Variants in PCDHA3 observed in about 807,000 individuals in gnomAD.
The protein encoded by PCDHA3 is protocadherin alpha-3.
A neutral mutation model predicts 62.2 loss-of-function variants in PCDHA3; 41 were observed. The observed-to-expected ratio is 0.66, with a 90% CI of 0.51 to 0.86. The LOEUF (loss-of-function observed/expected upper bound fraction) is 0.86, where lower values mean the gene tolerates loss of function less well. Among genes scored for constraint, PCDHA3 ranks in the 40% least tolerant of loss-of-function variants. PCDHA3 has a pLI of 0.00. For missense variants in PCDHA3, 1,304 were observed against 1,241.2 expected (o/e 1.05, Z -0.76); for synonymous variants, 640 against 555.4 (o/e 1.15, Z -2.14).
chr5:140,967,066 C>T (rs782715200), intron 1 of PCDHA3: 4 of 1,612,790 alleles, frequency 2.5e-6, no homozygotes, highest in African/African-American at 1.3e-5. Flanking sequence ...GAGCGCTCTT[C>T]GTCAACGAGC....
intron 1 of PCDHA3, among the ~76,000 whole-genome samples, chr5:140,873,080 C>G (rs1582109442): frequency 2.6e-5 from 4 of 151,946 alleles, no homozygotes; most frequent in Admixed American, 2.6e-4. Context: ...CTAGCTATTT[C>G]CCCCCCGTAT....
chr5:140,853,975 C>A, intron 1 of PCDHA3: 1 of 594,170 alleles, frequency 1.7e-6, no homozygotes, highest in Non-Finnish European at 2.2e-6. Flanking sequence ...CAGTTTGAGA[C>A]CAATGTAGTG....
chr5:140,962,516 A>C (rs1554226093), intron 1 of PCDHA3, among the ~76,000 whole-genome samples: 1 of 152,208 alleles, frequency 6.6e-6, no homozygotes, highest in Non-Finnish European at 1.5e-5. Flanking sequence ...ACTATCAATA[A>C]TATATTAGTT....
At chr5:140,909,983 C>T (rs2074810620) in intron 1 of PCDHA3, among the ~76,000 whole-genome samples, 1 of 152,214 alleles carries the variant, frequency 6.6e-6, no homozygotes, top group Non-Finnish European at 1.5e-5. Context: ...GGGAGAAAGA[C>T]TAACAGCATA....
At chr5:140,874,372 A>C (rs1055265865) in intron 1 of PCDHA3, among the ~76,000 whole-genome samples, 1 of 152,362 alleles carries the variant, frequency 6.6e-6, no homozygotes, top group South Asian at 2.1e-4. Context: ...TAAACTCATG[A>C]AAGGTCTTTT....
chr5:140,850,940 A>G (rs2150503150), intron 1 of PCDHA3: 2 of 1,507,156 alleles, frequency 1.3e-6, no homozygotes, highest in East Asian at 2.3e-5. Context: ...TTCTTGAAAG[A>G]TATTATCGAT....
chr5:140,894,293 T>A (rs782004160), intron 1 of PCDHA3, among the ~76,000 whole-genome samples: 1 of 152,100 alleles, frequency 6.6e-6, no homozygotes, highest in Non-Finnish European at 1.5e-5. Context: ...TGAAGTTTAT[T>A]TTCCTGGAAA....
intron 2 of PCDHA3, among the ~76,000 whole-genome samples, chr5:140,981,854 C>T (rs2096954295): frequency 6.6e-6 from 1 of 152,132 alleles, no homozygotes; most frequent in South Asian, 2.1e-4. Flanking sequence ...GTATCTCACT[C>T]CCAGCAATGT....
intron 1 of PCDHA3, among the ~76,000 whole-genome samples, chr5:140,970,348 T>A (rs2096398928): frequency 6.6e-6 from 1 of 152,186 alleles, no homozygotes; most frequent in Admixed American, 6.5e-5. Context: ...ATTTTCTGGA[T>A]CTAAAATTTG....
chr5:140,903,180 T>C (rs149488870), intron 1 of PCDHA3, among the ~76,000 whole-genome samples: 1,613 of 152,324 alleles, frequency 0.011, 17 homozygotes, highest in African/African-American at 0.028. Context: ...TTCCCACCAA[T>C]AGTATAAAAG....
At chr5:140,818,759 G>A (rs2150102311) in intron 1 of PCDHA3, among the ~76,000 whole-genome samples, 65 of 152,296 alleles carry the variant, frequency 4.3e-4, no homozygotes, top group Non-Finnish European at 5.6e-4. Context: ...GATGGCTTGA[G>A]CCTGAGGCTG....
intron 1 of PCDHA3, chr5:140,809,483 A>G: frequency 6.2e-7 from 1 of 1,614,234 alleles, no homozygotes; most frequent in Non-Finnish European, 8.5e-7. Flanking sequence ...GGGCCCACCC[A>G]AGACCGACCT....
At chr5:140,880,694 A>C (rs1254061280) in intron 1 of PCDHA3, among the ~76,000 whole-genome samples, 1 of 152,228 alleles carries the variant, frequency 6.6e-6, no homozygotes, top group Non-Finnish European at 1.5e-5. Context: ...AGTCATGGTT[A>C]AGTGACAATG....
At chr5:140,856,081 G>T in intron 1 of PCDHA3, 1 of 1,595,042 alleles carries the variant, frequency 6.3e-7, no homozygotes, top group Non-Finnish European at 8.6e-7. Context: ...TGGGGGTCCA[G>T]TGTCTGCTGC....
Position 140,801,305 on chromosome 5 carries a change from T to C in PCDHA3, c.108T>C (p.Ser36=). Residue 36 remains serine (S), a synonymous_variant, in exon 1 of 4, where the codon TCT becomes TCC. Transcript: ENST00000522353. The part of the protein sequence containing the change: ...VGSGQLHYSV[S]EEAKHGTFVG... Reference sequence around the variant, plus strand: ...GCGGCCAGCTCCACTACTCCGTCTCTGAGGAGGCCAAGCATGGCACCTTCG... The same window carrying C: ...GCGGCCAGCTCCACTACTCCGTCTCCGAGGAGGCCAAGCATGGCACCTTCG... 6.2e-7 allele frequency: 1 copy of C among 1,613,446 alleles called. No homozygotes were observed. Among genetic ancestry groups the C allele is most frequent in the South Asian group, 1.1e-5 (1 of 91,054 alleles).
At chr5:140,823,925 A>G (rs2150130360) in intron 1 of PCDHA3, 3 of 1,613,820 alleles carry the variant, frequency 1.9e-6, no homozygotes, top group East Asian at 4.5e-5. Context: ...CTGCTGCTGT[A>G]CACCGCGCTG....
Position 140,801,611 on chromosome 5 carries a change from G to C in PCDHA3, c.414G>C (p.Lys138Asn), listed in dbSNP as rs146287685. 9 of 1,614,162 alleles carry C rather than the reference G, an allele frequency of 5.6e-6. 1 individual carries two copies. The highest frequency in any genetic ancestry group is 7.6e-6 in the Non-Finnish European group (9 of 1,180,024). ...DNAPVFPMAV[K>N]NLFISESRQP... is the part of the protein sequence containing the mutation. Reference sequence around the variant, plus strand: ...CGCCAGTTTTTCCAATGGCTGTAAAGAATCTGTTTATTTCCGAATCCCGAC... The same window carrying C: ...CGCCAGTTTTTCCAATGGCTGTAAACAATCTGTTTATTTCCGAATCCCGAC... The change falls in exon 1 of 4, where the codon AAG (lysine) becomes AAC (asparagine). Residue 138 changes from lysine to asparagine, a missense_variant. Lys to Asn is a moderately conservative substitution (Grantham distance 94, BLOSUM62 0). Transcript: ENST00000522353.
chr5:140,857,146 C>G lies in PCDHA3; in HGVS notation c.2394+53555C>G, dbSNP rs1554149571. ...TGAAAGAAGATGCTCAAGTGGGCAC[C>G]GTCATTGCCCTAATCAGCGTTTCTG... On this transcript the variant is annotated intron_variant, in intron 1 of 3. Coordinates refer to ENST00000522353, the MANE Select transcript of PCDHA3 (RefSeq NM_018906.3). The G allele has an allele frequency of 1.9e-6, 3 of 1,598,132 alleles. 1 individual carries two copies. In the South Asian group the frequency reaches 3.3e-5, roughly 18 times the overall value.
In PCDHA3 at chr5:141,009,849, C is replaced by G; in HGVS notation, c.2765C>G (p.Thr922Ser). The change falls in exon 4 of 4, where the codon ACC (threonine) becomes AGC (serine). Residue 922 changes from threonine (T) to serine (S), a missense_variant. Physicochemically the swap from Thr to Ser is moderately conservative, Grantham distance 58. Coordinates refer to ENST00000522353, the MANE Select transcript of PCDHA3 (RefSeq NM_018906.3). ...ATAACCTTCGGCAAAAAGGAGGAGA[C>G]CAAGAAAAAGAAGAAAAAGAAGAAG... ...DFITFGKKEE[T>S]KKKKKKKKGN... 1 of 1,613,364 alleles carries G rather than the reference C, an allele frequency of 6.2e-7. No homozygotes were observed. The highest frequency in any genetic ancestry group is 8.5e-7 in the Non-Finnish European group (1 of 1,179,856).
Sources: gnomAD v4.1 joint callset for allele counts (sites outside exome capture counted in the v4.1 genomes callset) on GRCh38, gnomAD v4.1.1 for gene constraint, MANE v1.5 for transcripts, NCBI Gene and HGNC (gene_info 2026-07-23, HGNC 2026-07-21) for gene names.